The following DMD variants were observed in gnomAD, a reference collection of about 807,000 sequenced individuals.
DMD encodes the protein dystrophin.
In DMD, 63 loss-of-function variants were observed where a neutral mutation model predicts 330.1. The observed-to-expected ratio is 0.19, with a 90% CI of 0.16 to 0.24. The LOEUF is 0.24. Among genes scored for constraint, DMD ranks in the 10% least tolerant of loss-of-function variants. The pLI is 1.00. For missense variants in DMD, 3,344 were observed against 2,684.1 expected, an observed-to-expected ratio of 1.25 and a Z score of -5.43; for synonymous variants, 1,223 against 959.8, an observed-to-expected ratio of 1.27 and a Z score of -5.07.
At chrX:31,272,509 G>A (rs975751074) in intron 62 of DMD, among the ~76,000 whole-genome samples, 2 of 112,004 alleles carry the variant, frequency 1.8e-5, no homozygotes, top group Admixed American at 1.9e-4. Flanking sequence ...TTTCAAAACT[G>A]GGCAGAAATT....
intron 55 of DMD, among the ~76,000 whole-genome samples, chrX:31,616,951 T>C (rs1436566089): frequency 1.8e-5 from 2 of 111,441 alleles, no homozygotes; most frequent in Non-Finnish European, 3.8e-5. Flanking sequence ...GAAAAGATGG[T>C]ACCGGGATGA....
chrX:33,031,091 C>T (rs1250680437), intron 1 of DMD, among the ~76,000 whole-genome samples: 1 of 110,916 alleles, frequency 9.0e-6, no homozygotes, highest in African/African-American at 3.3e-5. Flanking sequence ...TCCCTGAGTT[C>T]ACCTATAACT....
At chrX:32,719,800 G>A (rs1277149147) in intron 7 of DMD, among the ~76,000 whole-genome samples, 1 of 109,731 alleles carries the variant, frequency 9.1e-6, no homozygotes, top group East Asian at 2.9e-4. Context: ...TGCTTGGTGT[G>A]CAGTTATTTC....
intron 9 of DMD, among the ~76,000 whole-genome samples, chrX:32,662,715 A>G (rs1230934837): frequency 8.9e-6 from 1 of 111,900 alleles, no homozygotes; most frequent in Non-Finnish European, 1.9e-5. Context: ...GGCCTTTCAC[A>G]GCTCATTAGT....
intron 44 of DMD, among the ~76,000 whole-genome samples, chrX:32,162,087 G>A (rs914686860): frequency 2.0e-4 from 22 of 111,399 alleles, no homozygotes; most frequent in Middle Eastern, 9.3e-3. Context: ...CCTAGATGAC[G>A]GGTTGATGGG....
At chrX:32,584,479 G>A (rs1569249752) in intron 13 of DMD, among the ~76,000 whole-genome samples, 1 of 111,925 alleles carries the variant, frequency 8.9e-6, no homozygotes, top group Non-Finnish European at 1.9e-5. Flanking sequence ...TACAATTTAT[G>A]TTGATAGATG....
intron 44 of DMD, among the ~76,000 whole-genome samples, chrX:32,071,409 C>T (rs1223708877): frequency 9.6e-6 from 1 of 103,800 alleles, no homozygotes; most frequent in Non-Finnish European, 1.9e-5. Flanking sequence ...ATCGCAAGGA[C>T]AAAAAACCAA....
At chrX:31,300,173 C>T (rs943159654) in intron 62 of DMD, among the ~76,000 whole-genome samples, 2 of 111,913 alleles carry the variant, frequency 1.8e-5, no homozygotes, top group Non-Finnish European at 3.8e-5. Flanking sequence ...TTCTGGGTCA[C>T]CCCCTATTCA....
At chrX:32,465,582 G>GTTTTTTTTTT (rs1191063866) in intron 23 of DMD, among the ~76,000 whole-genome samples, 44 of 76,643 alleles carry the variant, frequency 5.7e-4, no homozygotes, top group African/African-American at 1.3e-3. Flanking sequence ...TTTGTTTTTT[G>GTTTTTTTTTT]TTTTTTTTTT....
chrX:31,988,315 A>T (rs1482587462), intron 44 of DMD, among the ~76,000 whole-genome samples: 1 of 108,057 alleles, frequency 9.3e-6, no homozygotes, highest in Non-Finnish European at 1.9e-5. Flanking sequence ...TACTAAAAAA[A>T]TACAAAAAAT....
chrX:31,237,273 G>T (rs954388705), intron 63 of DMD, among the ~76,000 whole-genome samples: 1 of 112,123 alleles, frequency 8.9e-6, no homozygotes, highest in African/African-American at 3.2e-5. Flanking sequence ...GTCCAAGATA[G>T]AACACAATTC....
chrX:33,296,127 TATCCATGTCTTTC>T (rs2053580258), intron 1 of DMD, among the ~76,000 whole-genome samples: 1 of 111,492 alleles, frequency 9.0e-6, no homozygotes, highest in South Asian at 3.7e-4. Flanking sequence ...TGTTGACTTT[TATCCATGTCTTTC>T]ATAGCTTTAT....
intron 7 of DMD, among the ~76,000 whole-genome samples, chrX:32,724,781 C>T (rs2054756389): frequency 1.8e-5 from 2 of 111,958 alleles, no homozygotes; most frequent in African/African-American, 6.5e-5. Context: ...TTATAAATTA[C>T]ATCAGTAATC....
intron 51 of DMD, among the ~76,000 whole-genome samples, chrX:31,751,666 C>T (rs2088587392): frequency 1.8e-5 from 2 of 111,571 alleles, no homozygotes; most frequent in South Asian, 7.5e-4. Context: ...ATGACATTGC[C>T]CCCAGACCCC....
chrX:31,493,612 G>A (rs1278019197), intron 57 of DMD, among the ~76,000 whole-genome samples: 1 of 111,985 alleles, frequency 8.9e-6, no homozygotes, highest in Non-Finnish European at 1.9e-5. Context: ...GAAAGAGGAG[G>A]CTGAGGCCAG....
At chrX:31,810,566 A>G (rs912470276) in intron 50 of DMD, among the ~76,000 whole-genome samples, 17 of 112,069 alleles carry the variant, frequency 1.5e-4, no homozygotes, top group African/African-American at 4.9e-4. Flanking sequence ...TTACGCTTCT[A>G]AGATTGCTTC....
chrX:31,361,094 T>TA (rs780131363), intron 60 of DMD, among the ~76,000 whole-genome samples: 45 of 109,213 alleles, frequency 4.1e-4, no homozygotes, highest in African/African-American at 1.2e-3. Context: ...CCCTGTCTCT[T>TA]AAAAAAAAAT....
At chrX:31,354,505 C>T (rs912939260) in intron 60 of DMD, among the ~76,000 whole-genome samples, 6 of 110,732 alleles carry the variant, frequency 5.4e-5, no homozygotes, top group South Asian at 3.8e-4. Flanking sequence ...AAATGTAAAA[C>T]GGCAATTTAT....
At chrX:31,371,187 T>A (rs2059548865) in intron 60 of DMD, among the ~76,000 whole-genome samples, 1 of 111,035 alleles carries the variant, frequency 9.0e-6, no homozygotes, top group Non-Finnish European at 1.9e-5. Flanking sequence ...TAAAAAGGTA[T>A]GTGGAGTCCG....
Sources: allele counts gnomAD v4.1 joint callset (sites outside exome capture counted in the v4.1 genomes callset), GRCh38; gene constraint gnomAD v4.1.1; transcripts MANE v1.5; gene names NCBI Gene and HGNC (gene_info 2026-07-23, HGNC 2026-07-21).